Variants in CCDC180 observed in about 807,000 individuals in gnomAD.
CCDC180 encodes the protein coiled-coil domain containing 180.
In CCDC180, 154 loss-of-function variants were observed where a neutral mutation model predicts 209.2. That is an observed-to-expected ratio of 0.74 (90% CI 0.65 to 0.84). The LOEUF (loss-of-function observed/expected upper bound fraction) is 0.84. Among genes scored for constraint, CCDC180 ranks in the 40% least tolerant of loss-of-function variants. CCDC180 has a pLI of 0.00. For synonymous variants in CCDC180, 778 were observed against 749.1 expected (o/e 1.04, Z -0.63); for missense variants, 1,874 against 1,997.3 (o/e 0.94, Z 1.18).
At chr9:97,326,778 T>A in intron 15 of CCDC180, 109 bp downstream of exon 15, 1 of 687,832 alleles carries the variant, frequency 1.5e-6, no homozygotes, top group Non-Finnish European at 2.6e-6. Context: ...AAGATGAAAA[T>A]TGTGCCTCTC....
intron 18 of CCDC180, 151 bp downstream of exon 18, chr9:97,330,918 T>TC: frequency 1.2e-6 from 1 of 805,760 alleles, no homozygotes; most frequent in South Asian, 1.9e-5. Flanking sequence ...TATTCATACT[T>TC]TAAAAAAATT....
At chr9:97,360,196 G>A in intron 26 of CCDC180, 95 bp downstream of exon 26, 1 of 1,441,034 alleles carries the variant, frequency 6.9e-7, no homozygotes, top group Non-Finnish European at 9.5e-7. Flanking sequence ...AAGGGAAGAG[G>A]GGACTCCCAG....
intron 24 of CCDC180, among the ~76,000 whole-genome samples, chr9:97,356,198 G>A (rs1826580723): frequency 6.6e-6 from 1 of 152,166 alleles, no homozygotes; most frequent in Non-Finnish European, 1.5e-5. Flanking sequence ...AAGGGCCTGG[G>A]TTATCTGCAT....
chr9:97,359,401 G>T (rs1826685611), intron 25 of CCDC180, among the ~76,000 whole-genome samples: 1 of 152,220 alleles, frequency 6.6e-6, no homozygotes, highest in Admixed American at 6.5e-5. Context: ...GTTGACAGAG[G>T]AGGCTGGCTG....
chr9:97,313,373 C>T, intron 5 of CCDC180, 28 bp downstream of exon 5: 1 of 1,516,108 alleles, frequency 6.6e-7, no homozygotes, highest in South Asian at 1.1e-5. Context: ...CCCTTCTCTT[C>T]CCTTCCTGTG....
intron 18 of CCDC180, among the ~76,000 whole-genome samples, chr9:97,339,917 A>G (rs1474486436): frequency 6.6e-6 from 1 of 152,058 alleles, no homozygotes; most frequent in East Asian, 1.9e-4. Flanking sequence ...TTGACCTTCA[A>G]TCACTGATAC....
chr9:97,347,310 T>C lies in CCDC180; in HGVS notation c.2499-4T>C, dbSNP rs1002570658. On this transcript the variant is annotated splice_region_variant and splice_polypyrimidine_tract_variant and intron_variant, in intron 19 of 36. Coordinates refer to ENST00000529487, the MANE Select transcript of CCDC180 (RefSeq NM_020893.6). ...GGGCTGACCCTGGCTGGTCTCGCCC[T>C]CAGACTTCGAGCTGGCTTCTTCGAG... The C allele has an allele frequency of 1.3e-6, 2 of 1,535,626 alleles. No individual in the cohort carries two copies. The highest frequency in any genetic ancestry group is 1.8e-4 in the Middle Eastern group (1 of 5,684).
intron 9 of CCDC180, among the ~76,000 whole-genome samples, chr9:97,317,953 C>G (rs1447814391): frequency 6.6e-6 from 1 of 152,200 alleles, no homozygotes; most frequent in Non-Finnish European, 1.5e-5. Flanking sequence ...TGCCAAACAT[C>G]ATCAACAGTG....
Position 97,333,765 on chromosome 9 carries a change from T to C in CCDC180, c.2274+2998T>C, listed in dbSNP as rs570983161. On this transcript the variant is annotated intron_variant, in intron 18 of 36. Coordinates refer to ENST00000529487, the MANE Select transcript of CCDC180 (RefSeq NM_020893.6). ...AATGTATTAATACTTTTTTATTTTT[T>C]GCTAACAGTGATCCAATTCTTTACT... is the stretch of plus-strand genomic sequence containing the variant. Among the ~76,000 whole-genome samples the C allele has an allele frequency of 1.4e-3, 217 of 152,134 alleles. 1 individual carries two copies. The highest frequency in any genetic ancestry group is 1.7e-3 in the Non-Finnish European group (118 of 67,994).
intron 25 of CCDC180, 149 bp from the exon 26 acceptor site, chr9:97,359,833 C>T: frequency 9.7e-7 from 1 of 1,034,216 alleles, no homozygotes; most frequent in Non-Finnish European, 1.4e-6. Flanking sequence ...TTCCCCACTC[C>T]CCAAGGGCCT....
At chr9:97,371,732 C>G (rs1020181794) in intron 34 of CCDC180, 26 bp downstream of exon 34, 2 of 1,505,176 alleles carry the variant, frequency 1.3e-6, no homozygotes, top group Non-Finnish European at 1.8e-6. Flanking sequence ...AGCCTTGTGT[C>G]ATGGCCCTGG....
Position 97,362,320 on chromosome 9 carries a change from CCTCCTGTCCTCTG to C in CCDC180, c.3792_3804del (p.Cys1265GlyfsTer66). ...AGGGGCTGGTGGTGCTGTGTGCTCACCTCCTGTCCTCTGCTCCTGTCCTGGGCCCTCGTCACCC... is the reference window on the plus strand; with the variant it reads ...AGGGGCTGGTGGTGCTGTGTGCTCACCTCCTGTCCTGGGCCCTCGTCACCC... On this transcript the variant is annotated frameshift_variant, in exon 28 of 37. Coordinates refer to ENST00000529487, the MANE Select transcript of CCDC180 (RefSeq NM_020893.6). LOFTEE classifies it high-confidence loss of function. 6.2e-7 allele frequency: 1 copy of C among 1,614,104 alleles called. No individual in the cohort carries two copies. Among genetic ancestry groups the C allele is most frequent in the Non-Finnish European group, 8.5e-7 (1 of 1,180,018 alleles).
rs555209013 is a variant in CCDC180 at position 97,319,292 on chromosome 9, TTAAAA to T, written c.1079+716_1079+720del. On this transcript the variant is annotated intron_variant, in intron 10 of 36. Coordinates refer to ENST00000529487, the MANE Select transcript of CCDC180 (RefSeq NM_020893.6). ...ACATCCTGCACATGTACCCTGGAACTTAAAATAAAAATAAAAATTTAAAAAAGAAT... is the reference window on the plus strand; with the variant it reads ...ACATCCTGCACATGTACCCTGGAACTTAAAAATAAAAATTTAAAAAAGAAT... 2.9e-3 allele frequency among the ~76,000 whole-genome samples: 446 copies of T among 152,314 alleles called. 2 individuals are homozygous for T. The highest frequency in any genetic ancestry group is 6.8e-3 in the Middle Eastern group (2 of 294).
chr9:97,346,493 G>A (rs1826264870), intron 19 of CCDC180, among the ~76,000 whole-genome samples: 2 of 152,174 alleles, frequency 1.3e-5, no homozygotes, highest in African/African-American at 4.8e-5. Context: ...CAAAGTCAAT[G>A]ACCTTCATGT....
chr9:97,362,119 G>A (rs571366624), intron 27 of CCDC180, 77 bp from the exon 28 acceptor site: 429 of 1,541,842 alleles, frequency 2.8e-4, no homozygotes, highest in Non-Finnish European at 3.7e-4. Context: ...GGACTAACTG[G>A]GATGCTGCTC....
In CCDC180 at chr9:97,377,601, T is replaced by G. The variant is rs989035286; in HGVS notation, c.*707T>G. ...CCCCAGCTCCCAAATTTCCAGCCCC[T>G]GAAAGCTGTGTGACCCTCCAAGTGC... On this transcript the variant is annotated 3_prime_UTR_variant, in exon 37 of 37. Transcript: ENST00000529487. The G allele has an allele frequency of 1.2e-4, 19 of 152,272 alleles. No individual in the cohort carries two copies. Among genetic ancestry groups the G allele is most frequent in the African/African-American group, 4.3e-4 (18 of 41,428 alleles). The allele number at this position is 152,272 out of a possible 1,614,324, so 9.4% of individuals were successfully genotyped here.
chr9:97,351,665 T>C (rs7868196), intron 22 of CCDC180, among the ~76,000 whole-genome samples: 1,726 of 146,060 alleles, frequency 0.012, 25 homozygotes, highest in African/African-American at 0.04. Flanking sequence ...CCTGTACTTA[T>C]GTATACATGA....
In CCDC180 at chr9:97,374,666, C is replaced by G. The variant is rs1400869308; in HGVS notation, c.4706+18C>G. ...GGAAGCAGGTGAGAACCAAGAGCAG[C>G]AAGGACTACTGTAAATGGCTGTATC... is the stretch of plus-strand genomic sequence containing the variant. On this transcript the variant is annotated intron_variant, in intron 35 of 36. Transcript: ENST00000529487. 4 of 1,592,502 alleles carry G rather than the reference C, an allele frequency of 2.5e-6. No homozygotes were observed. Among genetic ancestry groups the G allele is most frequent in the Admixed American group, 1.7e-5 (1 of 59,926 alleles).
intron 24 of CCDC180, among the ~76,000 whole-genome samples, chr9:97,356,992 C>CT (rs1473489217): frequency 7.9e-5 from 12 of 152,250 alleles, no homozygotes; most frequent in Non-Finnish European, 1.5e-4. Flanking sequence ...TGCAAAGACA[C>CT]TATTTTGATG....
Sources: gnomAD v4.1 joint callset for allele counts (sites outside exome capture counted in the v4.1 genomes callset) on GRCh38, gnomAD v4.1.1 for gene constraint, MANE v1.5 for transcripts, NCBI Gene and HGNC (gene_info 2026-07-23, HGNC 2026-07-21) for gene names.